The following TTLL12 variants were observed in gnomAD, a reference collection of about 807,000 sequenced individuals.
The protein encoded by TTLL12 is tubulin tyrosine ligase like 12, also known as tubulin--tyrosine ligase-like protein 12.
TTLL12 carries 77 observed loss-of-function variants against 79.6 expected under a neutral mutation model. That is an observed-to-expected ratio of 0.97 (90% CI 0.81 to 1.17). TTLL12 has a LOEUF of 1.17. TTLL12 is among the 50% of genes most tolerant of loss of function. TTLL12 has a pLI of 0.00. For missense variants in TTLL12, 969 were observed against 895.9 expected, an observed-to-expected ratio of 1.08 and a Z score of -1.04; for synonymous variants, 437 against 376.1, an observed-to-expected ratio of 1.16 and a Z score of -1.87.
intron 6 of TTLL12, among the ~76,000 whole-genome samples, chr22:43,175,970 G>A (rs1931897024): frequency 6.6e-6 from 1 of 150,756 alleles, no homozygotes; most frequent in Non-Finnish European, 1.5e-5. Flanking sequence ...TTACAGGCAT[G>A]AACCACTATG....
At chr22:43,186,036 T>G (rs1322022962) in intron 1 of TTLL12, 2 of 984,924 alleles carry the variant, frequency 2.0e-6, no homozygotes, top group African/African-American at 1.8e-5. Context: ...GACCGTAGAG[T>G]CTGGCCAGCA....
At chr22:43,176,176 G>T in intron 6 of TTLL12, 144 bp downstream of exon 6, 1 of 657,042 alleles carries the variant, frequency 1.5e-6, no homozygotes. Flanking sequence ...CCCTGCACGT[G>T]TCACTGCTGT....
intron 5 of TTLL12, among the ~76,000 whole-genome samples, 158 bp downstream of exon 5, chr22:43,179,461 C>T (rs1026667979): frequency 8.5e-5 from 13 of 152,066 alleles, no homozygotes; most frequent in Non-Finnish European, 1.5e-4. Flanking sequence ...ACTCTCTGAG[C>T]CCCTCGTCTC....
At chr22:43,186,860 G>A in intron 1 of TTLL12, 33 bp downstream of exon 1, 2 of 1,249,632 alleles carry the variant, frequency 1.6e-6, no homozygotes, top group Non-Finnish European at 2.0e-6. Flanking sequence ...TCCCACCCCG[G>A]CCGCCGCACG....
At chr22:43,184,900 G>A (rs1374112467) in intron 1 of TTLL12, among the ~76,000 whole-genome samples, 2 of 152,178 alleles carry the variant, frequency 1.3e-5, no homozygotes, top group African/African-American at 2.4e-5. Flanking sequence ...TTTTGCAACT[G>A]GGAAGCTTGT....
chr22:43,174,126 T>C (rs1196049167), intron 8 of TTLL12, 83 bp downstream of exon 8: 4 of 1,506,394 alleles, frequency 2.7e-6, no homozygotes, highest in Non-Finnish European at 3.6e-6. Flanking sequence ...CCACAGTGGG[T>C]GCTCATGGAG....
chr22:43,169,116 C>T (rs991839746), intron 12 of TTLL12, among the ~76,000 whole-genome samples: 2 of 152,242 alleles, frequency 1.3e-5, no homozygotes, highest in African/African-American at 4.8e-5. Context: ...ATCTGCCCAT[C>T]TCCTGCCGCA....
intron 6 of TTLL12, among the ~76,000 whole-genome samples, chr22:43,175,075 G>A (rs1931869463): frequency 6.6e-6 from 1 of 152,202 alleles, no homozygotes; most frequent in South Asian, 2.1e-4. Context: ...CTCAGCAAGA[G>A]CCCCTGGGCT....
chr22:43,172,617 C>G (rs1228032395), intron 9 of TTLL12, 63 bp from the exon 10 acceptor site: 4 of 1,596,472 alleles, frequency 2.5e-6, no homozygotes, highest in Non-Finnish European at 1.7e-6. Flanking sequence ...CTCCCGAGCA[C>G]ACAAAGCCAC....
intron 6 of TTLL12, 37 bp downstream of exon 6, chr22:43,176,283 C>G (rs1483266372): frequency 1.3e-6 from 2 of 1,489,940 alleles, no homozygotes; most frequent in Non-Finnish European, 1.8e-6. Context: ...GGACTGCGGA[C>G]AAGTCCCAGC....
chr22:43,172,998 G>A (rs9623769), intron 9 of TTLL12, among the ~76,000 whole-genome samples: 13 of 152,112 alleles, frequency 8.5e-5, no homozygotes, highest in Non-Finnish European at 1.6e-4. Context: ...GCACCCTGAA[G>A]CAAAGTCTTT....
chr22:43,186,628 G>A (rs1038106917), intron 1 of TTLL12, among the ~76,000 whole-genome samples: 1 of 152,188 alleles, frequency 6.6e-6, no homozygotes, highest in African/African-American at 2.4e-5. Flanking sequence ...GGCTGTGTCA[G>A]GCTCGGGTGT....
Position 43,187,061 on chromosome 22 carries a change from G to A in TTLL12, c.9C>T (p.Ala3=). The change falls in exon 1 of 14, where the codon GCC becomes GCT. Residue 3 remains alanine, a synonymous_variant. Transcript: ENST00000216129. ...CAGGCCGGCGCTCGGGACCCCGCTC[G>A]GCCTCCATGGCGCCAGCACCCGCGC... ME[A]ERGPERRPAE... is the part of the protein sequence containing the mutation. 8.5e-7 allele frequency: 1 copy of A among 1,177,034 alleles called. No individual in the cohort carries two copies. The highest frequency in any genetic ancestry group is 4.7e-5 in the Admixed American group (1 of 21,444). 72.9% of individuals were successfully genotyped at this position (1,177,034 alleles called of 1,614,324 possible).
chr22:43,174,166 G>C, intron 8 of TTLL12, 43 bp downstream of exon 8: 1 of 1,580,334 alleles, frequency 6.3e-7, no homozygotes, highest in East Asian at 2.2e-5. Flanking sequence ...CTGGGCCGGG[G>C]AAAAGGGCCA....
rs113949340 is a variant in TTLL12 at position 43,172,033 on chromosome 22, C to G, written c.1494-133G>C. On this transcript the variant is annotated intron_variant, in intron 10 of 13. Coordinates refer to ENST00000216129, the MANE Select transcript of TTLL12 (RefSeq NM_015140.4). The stretch of plus-strand genomic sequence containing the variant: ...GGACCACCTGCTGCTCAGGCGGGAG[C>G]CTGTTCCCTTGTCTGTGTGGCTGGG... 1.2e-3 allele frequency: 884 copies of G among 761,792 alleles called. 6 individuals carry two copies. In the African/African-American group the frequency reaches 0.013, roughly 11 times the overall value. The allele number at this position is 761,792 out of a possible 1,614,324, so 47.2% of individuals were successfully genotyped here.
chr22:43,180,150 G>A lies in TTLL12; in HGVS notation c.547-150C>T, dbSNP rs1932018663. On this transcript the variant is annotated intron_variant, in intron 3 of 13. Coordinates refer to ENST00000216129, the MANE Select transcript of TTLL12 (RefSeq NM_015140.4). ...TACCCCAGGCCCTTTAGCTAAGCTA[G>A]GGGCTCCGGGACAGCAGCCCTGCCT... is the stretch of plus-strand genomic sequence containing the variant. The A allele has an allele frequency of 1.1e-5, 10 of 928,146 alleles. No individual in the cohort carries two copies. In the South Asian group the frequency reaches 1.6e-4, roughly 15 times the overall value. 57.5% of individuals were successfully genotyped at this position (928,146 alleles called of 1,614,324 possible).
At chr22:43,180,129 C>T (rs1932018229) in intron 3 of TTLL12, 129 bp from the exon 4 acceptor site, 7 of 1,156,972 alleles carry the variant, frequency 6.1e-6, no homozygotes, top group Non-Finnish European at 8.5e-6. Context: ...CACATGTACC[C>T]CAGGCCCTTT....
chr22:43,168,878 T>C lies in TTLL12; in HGVS notation c.1679A>G (p.Gln560Arg). 6.2e-7 allele frequency: 1 copy of C among 1,611,370 alleles called. No homozygotes were observed. The highest frequency in any genetic ancestry group is 8.5e-7 in the Non-Finnish European group (1 of 1,179,166). The change falls in exon 13 of 14, where the codon CAG (glutamine) becomes CGG (arginine). Residue 560 changes from glutamine to arginine, a missense_variant. Physicochemically the swap from Gln to Arg is conservative, Grantham distance 43. Transcript: ENST00000216129. Reference sequence around the variant, plus strand: ...GGGTGGTGGCTTGGCACAGGCCACCTGGAACAGCTCCGTGAAGGCCCGGAA... The same window carrying C: ...GGGTGGTGGCTTGGCACAGGCCACCCGGAACAGCTCCGTGAAGGCCCGGAA... ...EIFRAFTELF[Q>R]VACAKPPPLG... is the part of the protein sequence containing the mutation.
chr22:43,179,765 A>C lies in TTLL12; in HGVS notation c.707-13T>G. On this transcript the variant is annotated splice_polypyrimidine_tract_variant and intron_variant, in intron 4 of 13. Coordinates refer to ENST00000216129, the MANE Select transcript of TTLL12 (RefSeq NM_015140.4). The stretch of plus-strand genomic sequence containing the variant: ...CGGGTCACCTCCTCTGTGCCAAGAC[A>C]TGAGTGCCCATCAGAGGGGGTGACG... 1 of 1,557,290 alleles carries C rather than the reference A, an allele frequency of 6.4e-7. No individual in the cohort carries two copies. The highest frequency in any genetic ancestry group is 1.4e-5 in the African/African-American group (1 of 73,140).
Sources: gnomAD v4.1 joint callset for allele counts (sites outside exome capture counted in the v4.1 genomes callset) on GRCh38, gnomAD v4.1.1 for gene constraint, MANE v1.5 for transcripts, NCBI Gene and HGNC (gene_info 2026-07-23, HGNC 2026-07-21) for gene names.